TCF12: variants seen among roughly 807,000 people sequenced by gnomAD.
TCF12 encodes transcription factor 12, also known as DNA-binding protein HTF4.
TCF12 carries 45 observed loss-of-function variants against 86.0 expected under a neutral mutation model. The observed-to-expected ratio is 0.52, with a 90% CI of 0.41 to 0.67. The LOEUF (loss-of-function observed/expected upper bound fraction) is 0.67, where lower values mean the gene tolerates loss of function less well. Ranked by LOEUF, TCF12 falls within the 30% of genes least tolerant of loss-of-function variation. The probability of loss-of-function intolerance (pLI) is 0.00; values close to 1 mark genes in which losing one functional copy is unlikely to be tolerated. For missense variants in TCF12, 881 were observed against 859.9 expected (o/e 1.02, Z -0.31); for synonymous variants, 330 against 299.6 (o/e 1.10, Z -1.05).
In TCF12 at chr15:57,244,483, G is replaced by A. The variant is rs2059769148; in HGVS notation, c.1114+933G>A. ...CATTTGTTTTTGTTTTGTTTGAGAT[G>A]GAGTCTCACTCTGTTGCCCAGGCTG... On this transcript the variant is annotated intron_variant, in intron 13 of 20. Transcript: ENST00000333725. Among the ~76,000 whole-genome samples, 2 of 151,654 alleles carry A rather than the reference G, an allele frequency of 1.3e-5. 1 individual carries two copies. The highest frequency in any genetic ancestry group is 4.2e-4 in the South Asian group (2 of 4,786).
At chr15:57,176,502 C>T (rs1299005933) in intron 6 of TCF12, among the ~76,000 whole-genome samples, 1 of 152,138 alleles carries the variant, frequency 6.6e-6, no homozygotes, top group Non-Finnish European at 1.5e-5. Flanking sequence ...AGTCACTTGA[C>T]CCTATAAGCA....
rs1052378916 is a variant in TCF12 at position 57,192,067 on chromosome 15, G to A, written c.391-91G>A. On this transcript the variant is annotated intron_variant, in intron 6 of 20. Transcript: ENST00000333725. ...GTGCGTTCTAAGTTAAGACATTGCT[G>A]AAGTTGTAAATAATTCAGAAGTGAT... 17 of 1,458,872 alleles carry A rather than the reference G, an allele frequency of 1.2e-5. No homozygotes were observed. The African/African-American group carries it at 2.0e-4, about 17-fold the overall frequency. 90.4% of individuals were successfully genotyped at this position (1,458,872 alleles called of 1,614,324 possible).
intron 8 of TCF12, among the ~76,000 whole-genome samples, chr15:57,201,362 C>A (rs1274496985): frequency 6.6e-6 from 1 of 152,108 alleles, no homozygotes; most frequent in Non-Finnish European, 1.5e-5. Context: ...ACTATAGTGA[C>A]TTCAGGAAGA....
chr15:56,954,904 G>T (rs2061435595), intron 3 of TCF12, among the ~76,000 whole-genome samples: 1 of 152,192 alleles, frequency 6.6e-6, no homozygotes, highest in African/African-American at 2.4e-5. Context: ...GGAAACAACA[G>T]GTGCTGGAGA....
intron 5 of TCF12, among the ~76,000 whole-genome samples, chr15:57,095,349 C>G (rs929301109): frequency 6.6e-6 from 1 of 152,124 alleles, no homozygotes; most frequent in Non-Finnish European, 1.5e-5. Flanking sequence ...TTCAGTAATA[C>G]TTGTTTTCCT....
Position 57,132,979 on chromosome 15 carries a change from T to C in TCF12, c.326-33423T>C, listed in dbSNP as rs566028690. ...GTGAGGAAAACAAAGCCAGTGACTC[T>C]ACATTTAAATTTTTTTCATGGTCAC... On this transcript the variant is annotated intron_variant, in intron 5 of 20. Transcript: ENST00000333725. Among the ~76,000 whole-genome samples, 4 of 152,356 alleles carry C rather than the reference T, an allele frequency of 2.6e-5. No individual in the cohort carries two copies. In the South Asian group the frequency reaches 8.3e-4, roughly 32 times the overall value.
intron 5 of TCF12, among the ~76,000 whole-genome samples, chr15:57,142,018 GT>G (rs1439541445): frequency 6.6e-6 from 1 of 152,140 alleles, no homozygotes; most frequent in Non-Finnish European, 1.5e-5. Context: ...ACAGTCCTTG[GT>G]TTTGTGCAGC....
At chr15:56,988,599 A>G (rs1231384077) in intron 3 of TCF12, among the ~76,000 whole-genome samples, 1 of 152,208 alleles carries the variant, frequency 6.6e-6, no homozygotes, top group East Asian at 1.9e-4. Context: ...AAGAGCACAA[A>G]GAGTGTGCAT....
chr15:57,089,060 G>T (rs1372175692), intron 4 of TCF12, among the ~76,000 whole-genome samples: 1 of 152,188 alleles, frequency 6.6e-6, no homozygotes, highest in Non-Finnish European at 1.5e-5. Context: ...TTGAAGTGAA[G>T]TTTTGGTGTA....
intron 3 of TCF12, among the ~76,000 whole-genome samples, chr15:56,993,634 A>C (rs1369972979): frequency 6.6e-6 from 1 of 152,214 alleles, no homozygotes; most frequent in Non-Finnish European, 1.5e-5. Context: ...ACCCAGGCTA[A>C]CCATTCGATG....
At chr15:56,953,134 G>C (rs1025829913) in intron 3 of TCF12, among the ~76,000 whole-genome samples, 2 of 151,990 alleles carry the variant, frequency 1.3e-5, no homozygotes, top group Non-Finnish European at 2.9e-5. Flanking sequence ...TAATTCGTTA[G>C]TATGGCTTAT....
At chr15:57,015,586 C>T (rs1299519095) in intron 3 of TCF12, among the ~76,000 whole-genome samples, 1 of 152,178 alleles carries the variant, frequency 6.6e-6, no homozygotes, top group Non-Finnish European at 1.5e-5. Context: ...AGAAGTAGGG[C>T]AAAATCTCAG....
chr15:57,139,381 T>C (rs1341279372), intron 5 of TCF12, among the ~76,000 whole-genome samples: 2 of 152,212 alleles, frequency 1.3e-5, no homozygotes, highest in African/African-American at 4.8e-5. Context: ...GAAATCATCA[T>C]ACATATAACT....
chr15:57,086,663 T>G (rs1400443747), intron 4 of TCF12, among the ~76,000 whole-genome samples: 1 of 141,150 alleles, frequency 7.1e-6, no homozygotes, highest in Admixed American at 7.4e-5. Context: ...AAAGCTTTCC[T>G]GAGAAAGTAA....
intron 8 of TCF12, among the ~76,000 whole-genome samples, chr15:57,228,371 T>C (rs752374556): frequency 1.3e-5 from 2 of 152,086 alleles, no homozygotes; most frequent in East Asian, 1.9e-4. Flanking sequence ...AACATTCTTA[T>C]GATGAAAATT....
At chr15:57,075,801 T>TC in intron 4 of TCF12, among the ~76,000 whole-genome samples, 1 of 58,690 alleles carries the variant, frequency 1.7e-5, no homozygotes, top group South Asian at 6.7e-4. Flanking sequence ...TTTCTTTCTT[T>TC]CTTTCTCTCT....
chr15:57,224,092 G>C (rs1466588559), intron 8 of TCF12, among the ~76,000 whole-genome samples: 2 of 151,968 alleles, frequency 1.3e-5, no homozygotes, highest in African/African-American at 4.8e-5. Context: ...ATACTAGTGA[G>C]TTAAAACTAG....
chr15:57,262,275 C>A, intron 17 of TCF12, 67 bp downstream of exon 17: 1 of 1,129,488 alleles, frequency 8.9e-7, no homozygotes, highest in Non-Finnish European at 1.3e-6. Flanking sequence ...TGTCACCTTT[C>A]TCACAGCTGG....
intron 6 of TCF12, among the ~76,000 whole-genome samples, chr15:57,181,817 C>T (rs1351521224): frequency 6.6e-6 from 1 of 152,072 alleles, no homozygotes; most frequent in Non-Finnish European, 1.5e-5. Context: ...TAGATTTTAT[C>T]CCATAACCTA....
Sources: gnomAD v4.1 joint callset for allele counts (sites outside exome capture counted in the v4.1 genomes callset) on GRCh38, gnomAD v4.1.1 for gene constraint, MANE v1.5 for transcripts, NCBI Gene and HGNC (gene_info 2026-07-23, HGNC 2026-07-21) for gene names.